Variants in TTC7B observed in about 807,000 individuals in gnomAD.
TTC7B encodes the protein tetratricopeptide repeat protein 7B.
TTC7B carries 28 observed loss-of-function variants against 106.8 expected under a neutral mutation model. That is an observed-to-expected ratio of 0.26 (90% confidence interval 0.19 to 0.36). The LOEUF (loss-of-function observed/expected upper bound fraction) is 0.36. Among genes scored for constraint, TTC7B ranks in the 10% least tolerant of loss-of-function variants. The probability of loss-of-function intolerance (pLI) is 1.00; values close to 1 mark genes in which losing one functional copy is unlikely to be tolerated. For missense variants in TTC7B, 862 were observed against 1,076.4 expected, an observed-to-expected ratio of 0.80 and a Z score of 2.79; for synonymous variants, 405 against 430.6, an observed-to-expected ratio of 0.94 and a Z score of 0.74.
intron 3 of TTC7B, among the ~76,000 whole-genome samples, chr14:90,747,167 C>G (rs139152722): frequency 6.6e-6 from 1 of 152,312 alleles, no homozygotes; most frequent in Non-Finnish European, 1.5e-5. Context: ...TGCTCCATGC[C>G]TATGTGACTG....
intron 4 of TTC7B, among the ~76,000 whole-genome samples, chr14:90,736,868 A>G (rs1298329453): frequency 8.4e-5 from 12 of 143,346 alleles, no homozygotes; most frequent in African/African-American, 3.1e-4. Flanking sequence ...CTCCAGCCTG[A>G]GCAACAGAGC....
intron 17 of TTC7B, chr14:90,593,852 C>T (rs765644250): frequency 1.7e-5 from 7 of 406,856 alleles, no homozygotes; most frequent in Non-Finnish European, 3.0e-5. Context: ...ATGCCCCCTC[C>T]AGGAGCTCAG....
At chr14:90,783,234 A>C (rs1891278101) in intron 2 of TTC7B, among the ~76,000 whole-genome samples, 1 of 152,222 alleles carries the variant, frequency 6.6e-6, no homozygotes, top group South Asian at 2.1e-4. Flanking sequence ...GACTCTTTCC[A>C]TCCCACTACA....
At chr14:90,616,976 A>G (rs1240487980) in intron 16 of TTC7B, among the ~76,000 whole-genome samples, 1 of 152,204 alleles carries the variant, frequency 6.6e-6, no homozygotes, top group African/African-American at 2.4e-5. Context: ...ATCCCTTCTC[A>G]TTAAATGACT....
intron 3 of TTC7B, among the ~76,000 whole-genome samples, chr14:90,767,495 T>C (rs756822110): frequency 5.3e-5 from 8 of 151,898 alleles, no homozygotes; most frequent in Non-Finnish European, 1.0e-4. Context: ...ATCTTGGGAG[T>C]AGATTCATTA....
chr14:90,622,472 G>A (rs1344210398), intron 15 of TTC7B, among the ~76,000 whole-genome samples: 1 of 149,004 alleles, frequency 6.7e-6, no homozygotes, highest in Non-Finnish European at 1.5e-5. Context: ...GCTTAAGCCT[G>A]TAATCCCAGC....
intron 7 of TTC7B, among the ~76,000 whole-genome samples, chr14:90,683,255 A>G (rs1477865626): frequency 1.3e-5 from 2 of 152,232 alleles, no homozygotes; most frequent in Non-Finnish European, 2.9e-5. Context: ...TGATTTGTAA[A>G]TAATGACAAC....
rs151069325 is a variant in TTC7B, at chr14:90,666,941, C to T, written c.1153-8554G>A. On this transcript the variant is annotated intron_variant, in intron 9 of 19. Transcript: ENST00000328459. ...GCTTGCACATTGAGTAAGGGGTCTCCGGGGTCCTACTCAAATACTACTCCA... is the reference window on the plus strand; with the variant it reads ...GCTTGCACATTGAGTAAGGGGTCTCTGGGGTCCTACTCAAATACTACTCCA... 1.1e-3 allele frequency among the ~76,000 whole-genome samples: 169 copies of T among 152,336 alleles called. 1 individual carries two copies. Among genetic ancestry groups the T allele is most frequent in the African/African-American group, 3.9e-3 (163 of 41,576 alleles).
At chr14:90,712,868 C>G (rs112526254) in intron 5 of TTC7B, among the ~76,000 whole-genome samples, 518 of 152,074 alleles carry the variant, frequency 3.4e-3, no homozygotes, top group African/African-American at 0.012. Context: ...AATTTCAAAA[C>G]TTACTATAAA....
At position 90,624,665 on chromosome 14, in the gene TTC7B, A is replaced by G. The variant is rs944782634; in HGVS notation, c.1752-6620T>C. Among the ~76,000 whole-genome samples, 1 of 152,240 alleles carries G rather than the reference A, an allele frequency of 6.6e-6. No individual in the cohort carries two copies. Among genetic ancestry groups the G allele is most frequent in the Non-Finnish European group, 1.5e-5 (1 of 68,040 alleles). On this transcript the variant is annotated intron_variant, in intron 15 of 19. Transcript: ENST00000328459. The surrounding 1 kb of genome is among the most constrained non-coding windows in gnomAD (Gnocchi z 4.0). ...AGTTAGAGAAGTTCAGAGAAATACT[A>G]AAGTAATAATTCCCTCCCATCTTCT...
At chr14:90,795,602 T>C (rs1312830354) in intron 1 of TTC7B, among the ~76,000 whole-genome samples, 1 of 152,222 alleles carries the variant, frequency 6.6e-6, no homozygotes, top group African/African-American at 2.4e-5. Context: ...GGCAAGACAC[T>C]TAACCTCTCT....
At chr14:90,723,366 C>T in intron 5 of TTC7B, among the ~76,000 whole-genome samples, 1 of 152,226 alleles carries the variant, frequency 6.6e-6, no homozygotes, top group East Asian at 1.9e-4. Flanking sequence ...GTATCACCTA[C>T]CCTTTGTCCT....
chr14:90,646,501 T>C (rs1885461214), intron 14 of TTC7B, among the ~76,000 whole-genome samples: 1 of 152,224 alleles, frequency 6.6e-6, no homozygotes, highest in South Asian at 2.1e-4. Flanking sequence ...CTGGTTCTTT[T>C]GTCTCTGCCT....
chr14:90,607,004 A>G lies in TTC7B; in HGVS notation c.1966+3738T>C, dbSNP rs532886019. On this transcript the variant is annotated intron_variant, in intron 17 of 19. Transcript: ENST00000328459. ...ATATATCCTGAAATTTTAACAGGCA[A>G]AATAGGATATTAGGGACTGGCCTTA... Among the ~76,000 whole-genome samples the G allele has an allele frequency of 3.3e-5, 5 of 152,322 alleles. No individual in the cohort carries two copies. In the East Asian group the frequency reaches 9.6e-4, roughly 29 times the overall value.
chr14:90,806,266 T>C (rs972105787), intron 1 of TTC7B, among the ~76,000 whole-genome samples: 26 of 152,224 alleles, frequency 1.7e-4, no homozygotes, highest in Non-Finnish European at 1.3e-4. Context: ...AATGAACGGC[T>C]GGAGGAGGAG....
chr14:90,689,745 G>A, intron 6 of TTC7B, 33 bp from the exon 7 acceptor site: 3 of 1,608,422 alleles, frequency 1.9e-6, no homozygotes, highest in Non-Finnish European at 2.5e-6. Context: ...GCATAGCCAT[G>A]AATCTATCTT....
In TTC7B at chr14:90,540,870, A is replaced by C. The variant is rs1347509501; in HGVS notation, c.*498T>G. The C allele has an allele frequency of 6.4e-6, 1 of 155,322 alleles. No individual in the cohort carries two copies. Among genetic ancestry groups the C allele is most frequent in the African/African-American group, 2.4e-5 (1 of 41,520 alleles). The allele number at this position is 155,322 out of a possible 1,614,324, so 9.6% of individuals were successfully genotyped here. On this transcript the variant is annotated 3_prime_UTR_variant, in exon 20 of 20. Coordinates refer to ENST00000328459, the MANE Select transcript of TTC7B (RefSeq NM_001010854.2). ...TGGTACAATTATTGACAGTAAAACC[A>C]AGAAATTGTCAGCTGGTGTCCTGGC... is the stretch of plus-strand genomic sequence containing the variant.
At chr14:90,687,513 G>T (rs746312601) in intron 7 of TTC7B, among the ~76,000 whole-genome samples, 4 of 152,198 alleles carry the variant, frequency 2.6e-5, no homozygotes, top group Admixed American at 6.5e-5. Flanking sequence ...AAAGTGGACT[G>T]GGGGAAGAGG....
intron 5 of TTC7B, among the ~76,000 whole-genome samples, chr14:90,706,284 T>G (rs1888209035): frequency 6.6e-6 from 1 of 151,188 alleles, no homozygotes; most frequent in Non-Finnish European, 1.5e-5. Flanking sequence ...TGCCTCAGCC[T>G]CCTGAGTAGC....
Sources: allele counts gnomAD v4.1 joint callset (sites outside exome capture counted in the v4.1 genomes callset), GRCh38; gene constraint gnomAD v4.1.1; non-coding constraint Gnocchi (gnomAD v3.1); transcripts MANE v1.5; gene names NCBI Gene and HGNC (gene_info 2026-07-23, HGNC 2026-07-21).